ALDH16A1: variants seen among roughly 807,000 people sequenced by gnomAD.
ALDH16A1 encodes the protein aldehyde dehydrogenase 16 family member A1.
Under a neutral mutation model 96.1 loss-of-function variants are expected in ALDH16A1, and 88 were observed. The ratio of observed to expected loss-of-function variants is 0.92; its 90% CI spans 0.77 to 1.09. The LOEUF is 1.09. Among genes scored for constraint, ALDH16A1 ranks in the 50% least tolerant of loss-of-function variants. The pLI is 0.00. For synonymous variants in ALDH16A1, 522 were observed against 496.4 expected (o/e 1.05, Z -0.69); for missense variants, 1,250 against 1,112.6 (o/e 1.12, Z -1.76).
At chr19:49,464,965 C>G (rs1352327765) in intron 12 of ALDH16A1, among the ~76,000 whole-genome samples, 1 of 152,266 alleles carries the variant, frequency 6.6e-6, no homozygotes, top group South Asian at 2.1e-4. Flanking sequence ...CTGTACTCTC[C>G]CAGAAACTCA....
chr19:49,464,082 G>A lies in ALDH16A1; in HGVS notation c.1195-45G>A, dbSNP rs760358272. The A allele has an allele frequency of 1.9e-6, 3 of 1,592,754 alleles. No homozygotes were observed. In the South Asian group the frequency reaches 3.3e-5, roughly 18 times the overall value. On this transcript the variant is annotated intron_variant, in intron 9 of 16. Coordinates refer to ENST00000293350, the MANE Select transcript of ALDH16A1 (RefSeq NM_153329.4). The stretch of plus-strand genomic sequence containing the variant: ...CTGCCTGCTCTAGGCTCCTTCCCTG[G>A]TGGGTGGGCCCTGGAGGGCTGAGCC...
At chr19:49,460,188 C>T (rs1353517490) in intron 4 of ALDH16A1, among the ~76,000 whole-genome samples, 1 of 151,982 alleles carries the variant, frequency 6.6e-6, no homozygotes, top group African/African-American at 2.4e-5. Flanking sequence ...GCTGGGATTA[C>T]AGGCATGAGC....
At chr19:49,460,687 T>C (rs1208457602) in intron 4 of ALDH16A1, 135 bp from the exon 5 acceptor site, 1 of 734,142 alleles carries the variant, frequency 1.4e-6, no homozygotes, top group Non-Finnish European at 2.3e-6. Context: ...GTGCTGAGAT[T>C]ACAGGCGTGA....
chr19:49,462,660 G>A lies in ALDH16A1; in HGVS notation c.1003G>A (p.Gly335Arg). The change falls in exon 8 of 17, where the codon GGG becomes AGG. Residue 335 changes from glycine to arginine, a missense_variant. Physicochemically the swap from Gly to Arg is moderately radical, Grantham distance 125. Coordinates refer to ENST00000293350, the MANE Select transcript of ALDH16A1 (RefSeq NM_153329.4). ...GATGGGGCGGCTTCGGAGTGGCCGAGGGCTGGATGGGGCCGTGGACATGGG... is the reference window on the plus strand; with the variant it reads ...GATGGGGCGGCTTCGGAGTGGCCGAAGGCTGGATGGGGCCGTGGACATGGG... Reference protein sequence around the residue: ...ERMGRLRSGRGLDGAVDMGAR... With the variant: ...ERMGRLRSGRRLDGAVDMGAR... The A allele has an allele frequency of 6.2e-7, 1 of 1,611,752 alleles. No homozygotes were observed. Among genetic ancestry groups the A allele is most frequent in the African/African-American group, 1.3e-5 (1 of 74,964 alleles).
At position 49,458,591 on chromosome 19, in the gene ALDH16A1, A is replaced by G; in HGVS notation, c.193+3A>G. ...GCCTTGCCAGGATCCCATCACAGGT[A>G]CGAGATGTCCCCCAGTCATTAGTGG... On this transcript the variant is annotated splice_donor_region_variant and intron_variant, in intron 2 of 16. Transcript: ENST00000293350. The G allele has an allele frequency of 6.4e-7, 1 of 1,555,762 alleles. No individual in the cohort carries two copies. Among genetic ancestry groups the G allele is most frequent in the Non-Finnish European group, 8.7e-7 (1 of 1,148,406 alleles).
rs370667132 is a variant in ALDH16A1, at chr19:49,459,664, C to T, written c.321-6C>T. 9 of 1,601,472 alleles carry T rather than the reference C, an allele frequency of 5.6e-6. No homozygotes were observed. Among genetic ancestry groups the T allele is most frequent in the African/African-American group, 2.7e-5 (2 of 74,296 alleles). On this transcript the variant is annotated splice_polypyrimidine_tract_variant and splice_region_variant and intron_variant, in intron 3 of 16. Transcript: ENST00000293350. This position sits in a 1 kb window ranked among gnomAD's most constrained non-coding sequence, Gnocchi z 4.1. ...GAAAATGAGCACCCTCTTGCTTTCTCGACAGGCTGGCCGAGGTGATCCAGA... is the reference window on the plus strand; with the variant it reads ...GAAAATGAGCACCCTCTTGCTTTCTTGACAGGCTGGCCGAGGTGATCCAGA...
chr19:49,462,310 T>C (rs1218600835), intron 7 of ALDH16A1, among the ~76,000 whole-genome samples: 1 of 152,046 alleles, frequency 6.6e-6, no homozygotes, highest in Admixed American at 6.6e-5. Flanking sequence ...AATTTATGTA[T>C]TTTTAGTAGA....
Position 49,459,125 on chromosome 19 carries a change from C to T in ALDH16A1, c.320+39C>T, listed in dbSNP as rs1173682501. 4 of 1,590,632 alleles carry T rather than the reference C, an allele frequency of 2.5e-6. No individual in the cohort carries two copies. The highest frequency in any genetic ancestry group is 3.4e-6 in the Non-Finnish European group (4 of 1,165,702). Reference sequence around the variant, plus strand: ...GGTGTGGACCCCGGGAGGCGGGGAACCCCAGCATCCACTCGAGACCATGGG... The same window carrying T: ...GGTGTGGACCCCGGGAGGCGGGGAATCCCAGCATCCACTCGAGACCATGGG... On this transcript the variant is annotated intron_variant, in intron 3 of 16. Transcript: ENST00000293350. The surrounding 1 kb of genome is among the most constrained non-coding windows in gnomAD (Gnocchi z 4.1).
intron 1 of ALDH16A1, 58 bp downstream of exon 1, chr19:49,453,479 T>C: frequency 6.9e-7 from 1 of 1,455,172 alleles, no homozygotes; most frequent in East Asian, 2.5e-5. Flanking sequence ...GGCGCCCGGT[T>C]TTTCGCGGGG....
At position 49,470,328 on chromosome 19, in the gene ALDH16A1, C is replaced by T. The variant is rs753036112; in HGVS notation, c.2270C>T (p.Ala757Val). 1.5e-5 allele frequency: 24 copies of T among 1,613,362 alleles called. No homozygotes were observed. In the South Asian group the frequency reaches 2.4e-4, roughly 16 times the overall value. ...CAGGGTTCCCAGTTTGTCGAGTGGG[C>T]CTCGGCAGGAAACCTCAAACCGGTG... is the stretch of plus-strand genomic sequence containing the variant. ...SAQGSQFVEWASAGNLKPVWA... is the reference protein window; with the variant it reads ...SAQGSQFVEWVSAGNLKPVWA... Residue 757 changes from alanine to valine, a missense_variant, in exon 17 of 17, where the codon GCC (alanine) becomes GTC (valine). Physicochemically the swap from Ala to Val is moderately conservative, Grantham distance 64. Coordinates refer to ENST00000293350, the MANE Select transcript of ALDH16A1 (RefSeq NM_153329.4).
At position 49,468,677 on chromosome 19, in the gene ALDH16A1, T is replaced by C. The variant is rs1386603228; in HGVS notation, c.2124+111T>C. The C allele has an allele frequency of 7.0e-7, 1 of 1,432,978 alleles. No homozygotes were observed. The highest frequency in any genetic ancestry group is 1.4e-5 in the African/African-American group (1 of 71,028). 88.8% of individuals were successfully genotyped at this position (1,432,978 alleles called of 1,614,324 possible). A position where few individuals can be genotyped will look rare whatever the true frequency, so the allele number is the denominator to read the frequency against. On this transcript the variant is annotated intron_variant, in intron 15 of 16. Transcript: ENST00000293350. This position sits in a 1 kb window ranked among gnomAD's most constrained non-coding sequence, Gnocchi z 4.4. ...CTTACCCCACCCTCCGTGGTACCCA[T>C]GCTGCCCCCAGCCCCAGCACCCAAA...
chr19:49,466,337 C>A, intron 14 of ALDH16A1, 54 bp downstream of exon 14: 1 of 1,410,748 alleles, frequency 7.1e-7, no homozygotes, highest in Non-Finnish European at 9.2e-7. Flanking sequence ...GGGGCTCAGA[C>A]CAGAGGCTGT....
Position 49,468,382 on chromosome 19 carries a change from T to C in ALDH16A1, c.1940T>C (p.Val647Ala), listed in dbSNP as rs1475385274. 1 of 1,598,458 alleles carries C rather than the reference T, an allele frequency of 6.3e-7. No individual in the cohort carries two copies. The highest frequency in any genetic ancestry group is 8.5e-7 in the Non-Finnish European group (1 of 1,179,404). The change falls in exon 15 of 17, where the codon GTA becomes GCA. Residue 647 changes from valine to alanine, a missense_variant and splice_region_variant. Coordinates refer to ENST00000293350, the MANE Select transcript of ALDH16A1 (RefSeq NM_153329.4). This position sits in a 1 kb window ranked among gnomAD's most constrained non-coding sequence, Gnocchi z 4.4. ...CACGTGACCCACCTGTCCCTGCAGG[T>C]AGCCGGGCTGAGAGGCCCTGTGCTG... ...RVQAQGHTLQVAGLRGPVLRL... is the reference protein window; with the variant it reads ...RVQAQGHTLQAAGLRGPVLRL...
intron 7 of ALDH16A1, 56 bp downstream of exon 7, chr19:49,462,092 C>G: frequency 6.8e-7 from 1 of 1,478,524 alleles, no homozygotes; most frequent in Non-Finnish European, 8.9e-7. Context: ...GTGTCTGTCT[C>G]CAGTCTTCGG....
In ALDH16A1 at chr19:49,461,646, C is replaced by G. The variant is rs764003304; in HGVS notation, c.605C>G (p.Pro202Arg). The G allele has an allele frequency of 9.4e-6, 15 of 1,599,562 alleles. No homozygotes were observed. In the African/African-American group the frequency reaches 1.7e-4, roughly 19 times the overall value. ...TGCACCGTGGTGGCCCTCGTGCCCCCGGCCTCCCCGGCGCCCCTCCTCCTG... is the reference window on the plus strand; with the variant it reads ...TGCACCGTGGTGGCCCTCGTGCCCCGGGCCTCCCCGGCGCCCCTCCTCCTG... ...VGCTVVALVPPASPAPLLLAQ... is the reference protein window; with the variant it reads ...VGCTVVALVPRASPAPLLLAQ... The change falls in exon 6 of 17, where the codon CCG (proline) becomes CGG (arginine). Residue 202 changes from proline to arginine, a missense_variant. Pro to Arg is a moderately radical substitution (Grantham distance 103). Transcript: ENST00000293350.
chr19:49,454,834 T>C (rs10414384), intron 1 of ALDH16A1, among the ~76,000 whole-genome samples: 3,256 of 151,974 alleles, frequency 0.021, 128 homozygotes, highest in African/African-American at 0.073. Flanking sequence ...ATACAAAACA[T>C]TGGGCCAGGC....
rs1335219790 is a variant in ALDH16A1, at chr19:49,459,085, A to C, written c.319A>C (p.Arg107=). ...CGTCGTCCGGGCCCAGCACCTGACCAGGTGATGCAGCTGAGGTGTGGACCC... is the reference window on the plus strand; with the variant it reads ...CGTCGTCCGGGCCCAGCACCTGACCCGGTGATGCAGCTGAGGTGTGGACCC... ...PGVVRAQHLT[R]LAEVIQKHQR... is the part of the protein sequence containing the mutation. The change falls in exon 3 of 17, where the codon AGG becomes CGG. Residue 107 remains arginine, a splice_region_variant and synonymous_variant. Coordinates refer to ENST00000293350, the MANE Select transcript of ALDH16A1 (RefSeq NM_153329.4). This position sits in a 1 kb window ranked among gnomAD's most constrained non-coding sequence, Gnocchi z 4.1. The C allele has an allele frequency of 6.2e-7, 1 of 1,612,196 alleles. No homozygotes were observed. Among genetic ancestry groups the C allele is most frequent in the Non-Finnish European group, 8.5e-7 (1 of 1,179,444 alleles).
Position 49,464,766 on chromosome 19 carries a change from A to G in ALDH16A1, c.1568+4A>G, listed in dbSNP as rs749297466. ...CTGGGCCTGAAATAGGGCCCAGGTG[A>G]GTCGTTGGGGGCCAGTGGTCTGGGA... On this transcript the variant is annotated splice_donor_region_variant and intron_variant, in intron 12 of 16. Transcript: ENST00000293350. The G allele has an allele frequency of 1.9e-6, 3 of 1,613,674 alleles. No individual in the cohort carries two copies. The African/African-American group carries it at 4.0e-5, about 22-fold the overall frequency.
intron 16 of ALDH16A1, chr19:49,469,210 G>T: frequency 1.9e-6 from 1 of 516,008 alleles, no homozygotes; most frequent in Non-Finnish European, 3.3e-6. Flanking sequence ...CCTCGTCTCA[G>T]GGGACAGCCC....
Sources: allele counts gnomAD v4.1 joint callset (sites outside exome capture counted in the v4.1 genomes callset), GRCh38; gene constraint gnomAD v4.1.1; non-coding constraint Gnocchi (gnomAD v3.1); transcripts MANE v1.5; gene names NCBI Gene and HGNC (gene_info 2026-07-23, HGNC 2026-07-21).